Variants in CNTNAP5 observed in about 807,000 individuals in gnomAD.
CNTNAP5 encodes contactin-associated protein-like 5.
In CNTNAP5, 72 loss-of-function variants were observed where a neutral mutation model predicts 150.2. The observed-to-expected ratio is 0.48, with a 90% CI of 0.40 to 0.58. The LOEUF (loss-of-function observed/expected upper bound fraction) is 0.58. CNTNAP5 is among the 20% of genes least tolerant of loss of function. The pLI is 0.00. For synonymous variants in CNTNAP5, 672 were observed against 619.8 expected (o/e 1.08, Z -1.25); for missense variants, 1,636 against 1,626.2 (o/e 1.01, Z -0.10).
chr2:124,369,223 G>A (rs1056024660), intron 3 of CNTNAP5, among the ~76,000 whole-genome samples: 1 of 152,108 alleles, frequency 6.6e-6, no homozygotes, highest in Non-Finnish European at 1.5e-5. Flanking sequence ...TATAATTGCA[G>A]AGTCTTTGAA....
chr2:124,589,528 A>G (rs1696632010), intron 11 of CNTNAP5, among the ~76,000 whole-genome samples: 1 of 152,150 alleles, frequency 6.6e-6, no homozygotes, highest in Non-Finnish European at 1.5e-5. Flanking sequence ...TCTCTTAAAT[A>G]TATACCTGCA....
chr2:124,729,386 A>G (rs1354238339), intron 13 of CNTNAP5, among the ~76,000 whole-genome samples: 1 of 152,020 alleles, frequency 6.6e-6, no homozygotes, highest in Non-Finnish European at 1.5e-5. Context: ...ATTTTTTATT[A>G]TTGTTTTCTT....
chr2:124,091,116 G>A (rs1428394800), intron 1 of CNTNAP5, among the ~76,000 whole-genome samples: 1 of 152,184 alleles, frequency 6.6e-6, no homozygotes, highest in Non-Finnish European at 1.5e-5. Flanking sequence ...CCAAACAGCG[G>A]AGTACAGACC....
At chr2:124,554,422 CTTT>C (rs5834078) in intron 10 of CNTNAP5, among the ~76,000 whole-genome samples, 8 of 137,106 alleles carry the variant, frequency 5.8e-5, no homozygotes, top group Admixed American at 7.5e-5. Flanking sequence ...ATACTTTTTT[CTTT>C]TTTTTTTTTT....
intron 19 of CNTNAP5, among the ~76,000 whole-genome samples, chr2:124,805,711 A>G (rs1015298804): frequency 2.6e-5 from 4 of 152,212 alleles, no homozygotes. Context: ...CATAAACAAC[A>G]ACAATTTATT....
chr2:124,807,926 G>A (rs1682115528), intron 19 of CNTNAP5, among the ~76,000 whole-genome samples: 1 of 152,188 alleles, frequency 6.6e-6, no homozygotes, highest in Non-Finnish European at 1.5e-5. Context: ...TGCCAGTGAA[G>A]GAACTTGCCA....
At chr2:124,808,565 G>T (rs574328148) in intron 19 of CNTNAP5, among the ~76,000 whole-genome samples, 47 of 150,850 alleles carry the variant, frequency 3.1e-4, no homozygotes, top group Admixed American at 7.2e-4. Context: ...TCCAGCCTGG[G>T]TGACAGAGAG....
intron 8 of CNTNAP5, among the ~76,000 whole-genome samples, chr2:124,523,834 T>C (rs907497281): frequency 1.3e-5 from 2 of 152,210 alleles, no homozygotes; most frequent in African/African-American, 4.8e-5. Context: ...GAATCTAGCT[T>C]TCCTCATCTA....
At chr2:124,755,979 A>T (rs541563419) in intron 14 of CNTNAP5, among the ~76,000 whole-genome samples, 2 of 152,258 alleles carry the variant, frequency 1.3e-5, no homozygotes, top group East Asian at 1.9e-4. Context: ...TTTATTTTTT[A>T]AAAGTGGGGG....
chr2:124,863,743 C>T (rs1677572043), intron 19 of CNTNAP5, among the ~76,000 whole-genome samples: 1 of 152,130 alleles, frequency 6.6e-6, no homozygotes, highest in Non-Finnish European at 1.5e-5. Flanking sequence ...TACTCACAAC[C>T]CTCTTGCCTT....
intron 1 of CNTNAP5, among the ~76,000 whole-genome samples, chr2:124,052,381 A>G (rs951811719): frequency 6.6e-6 from 1 of 152,212 alleles, no homozygotes; most frequent in African/African-American, 2.4e-5. Context: ...AGGAGCGAGG[A>G]AATGCTCAGA....
chr2:124,876,660 A>G (rs939828415), intron 21 of CNTNAP5, among the ~76,000 whole-genome samples: 4 of 151,994 alleles, frequency 2.6e-5, no homozygotes, highest in Non-Finnish European at 5.9e-5. Flanking sequence ...CTCCTCTAAA[A>G]GATTATTTCA....
intron 19 of CNTNAP5, among the ~76,000 whole-genome samples, chr2:124,828,185 A>T (rs985868065): frequency 1.3e-5 from 2 of 152,122 alleles, no homozygotes; most frequent in African/African-American, 2.4e-5. Flanking sequence ...CTTGTTATTT[A>T]AAAAATATGG....
intron 6 of CNTNAP5, among the ~76,000 whole-genome samples, chr2:124,456,003 A>G (rs1364139560): frequency 1.3e-5 from 2 of 152,184 alleles, no homozygotes; most frequent in East Asian, 1.9e-4. Flanking sequence ...GAGAACTGGA[A>G]CAAGACAAGG....
chr2:124,376,187 G>T (rs927622081), intron 3 of CNTNAP5, among the ~76,000 whole-genome samples: 1 of 152,044 alleles, frequency 6.6e-6, no homozygotes, highest in African/African-American at 2.4e-5. Context: ...GAAAATGAAA[G>T]ATGCTGCTTA....
intron 1 of CNTNAP5, among the ~76,000 whole-genome samples, chr2:124,067,991 AC>A (rs1682203817): frequency 6.6e-6 from 1 of 152,160 alleles, no homozygotes; most frequent in Non-Finnish European, 1.5e-5. Context: ...AAACAATAAA[AC>A]CAAAGAAAAA....
chr2:124,725,344 C>T (rs1467226444), intron 13 of CNTNAP5, among the ~76,000 whole-genome samples: 1 of 151,946 alleles, frequency 6.6e-6, no homozygotes, highest in Non-Finnish European at 1.5e-5. Flanking sequence ...ATATGGTATA[C>T]ATGATGTTTT....
At chr2:124,645,671 G>A (rs140685203) in intron 12 of CNTNAP5, among the ~76,000 whole-genome samples, 2 of 152,190 alleles carry the variant, frequency 1.3e-5, no homozygotes, top group African/African-American at 4.8e-5. Flanking sequence ...GAATGTTTGA[G>A]CACAGTTTAA....
chr2:124,050,408 G>A (rs1681665403), intron 1 of CNTNAP5, among the ~76,000 whole-genome samples: 1 of 152,040 alleles, frequency 6.6e-6, no homozygotes, highest in Non-Finnish European at 1.5e-5. Flanking sequence ...AGGTTGCAGT[G>A]AGCCAAGATC....
Sources: gnomAD v4.1 joint callset for allele counts (sites outside exome capture counted in the v4.1 genomes callset) on GRCh38, gnomAD v4.1.1 for gene constraint, MANE v1.5 for transcripts, NCBI Gene and HGNC (gene_info 2026-07-23, HGNC 2026-07-21) for gene names.